Variants in SLC4A10 observed in about 807,000 individuals in gnomAD.
SLC4A10 encodes solute carrier family 4 member 10.
A neutral mutation model predicts 137.7 loss-of-function variants in SLC4A10; 42 were observed. That is an observed-to-expected ratio of 0.30 (90% confidence interval 0.24 to 0.39). The LOEUF is 0.39. Among genes scored for constraint, SLC4A10 ranks in the 10% least tolerant of loss-of-function variants. The probability of loss-of-function intolerance (pLI) is 1.00; values close to 1 mark genes in which losing one functional copy is unlikely to be tolerated. For synonymous variants in SLC4A10, 474 were observed against 464.1 expected, an observed-to-expected ratio of 1.02 and a Z score of -0.27; for missense variants, 925 against 1,355.0, an observed-to-expected ratio of 0.68 and a Z score of 4.98.
intron 1 of SLC4A10, among the ~76,000 whole-genome samples, chr2:161,625,370 TTTTCTGTCTGGAGCAGCTGCTG>T (rs1297531869): frequency 2.0e-5 from 3 of 152,026 alleles, no homozygotes; most frequent in Non-Finnish European, 4.4e-5. Flanking sequence ...GGCAACATCT[TTTTCTGTCTGGAGCAGCTGCTG>T]TTTCTGTGTT....
intron 1 of SLC4A10, among the ~76,000 whole-genome samples, chr2:161,764,595 G>A (rs1027720294): frequency 1.3e-4 from 20 of 152,094 alleles, no homozygotes; most frequent in African/African-American, 4.6e-4. Context: ...AACATATTTT[G>A]TTCAGACCAT....
intron 10 of SLC4A10, among the ~76,000 whole-genome samples, chr2:161,888,120 T>TGC (rs1328839189): frequency 6.6e-6 from 1 of 152,156 alleles, no homozygotes; most frequent in South Asian, 2.1e-4. Context: ...TGTAGATAAA[T>TGC]GGCATTATTT....
intron 1 of SLC4A10, among the ~76,000 whole-genome samples, chr2:161,729,790 A>G (rs920591053): frequency 6.6e-5 from 10 of 152,224 alleles, no homozygotes; most frequent in Non-Finnish European, 1.0e-4. Context: ...AGGAACTTCT[A>G]GTAGGAAGCT....
At chr2:161,744,376 GA>G (rs2048206820) in intron 1 of SLC4A10, among the ~76,000 whole-genome samples, 1 of 151,996 alleles carries the variant, frequency 6.6e-6, no homozygotes, top group African/African-American at 2.4e-5. Flanking sequence ...TTTCAGTATC[GA>G]TTGAAATGAT....
At position 161,983,832 on chromosome 2, in the gene SLC4A10, A is replaced by G. The variant is rs1700532344; in HGVS notation, c.*680A>G. The G allele has an allele frequency of 6.6e-6, 1 of 152,268 alleles. No individual in the cohort carries two copies. Among genetic ancestry groups the G allele is most frequent in the Admixed American group, 6.5e-5 (1 of 15,284 alleles). 9.4% of individuals were successfully genotyped at this position (152,268 alleles called of 1,614,324 possible). On this transcript the variant is annotated 3_prime_UTR_variant, in exon 27 of 27. Coordinates refer to ENST00000446997, the MANE Select transcript of SLC4A10 (RefSeq NM_001178015.2). ...TATAGAAACCTATTTACAACTTGTT[A>G]AGGACAATCAGACATAATGCAGAGT...
intron 10 of SLC4A10, among the ~76,000 whole-genome samples, chr2:161,889,385 G>T (rs2062672350): frequency 6.6e-6 from 1 of 152,168 alleles, no homozygotes; most frequent in African/African-American, 2.4e-5. Context: ...ACCTCTGGTA[G>T]AATTCGGCTA....
intron 1 of SLC4A10, among the ~76,000 whole-genome samples, chr2:161,671,772 T>C (rs1261001815): frequency 6.6e-6 from 1 of 152,236 alleles, no homozygotes; most frequent in Non-Finnish European, 1.5e-5. Context: ...GGGAAATTTA[T>C]AGCTTTTAAA....
At chr2:161,777,820 A>G (rs576177295) in intron 2 of SLC4A10, among the ~76,000 whole-genome samples, 11 of 152,130 alleles carry the variant, frequency 7.2e-5, no homozygotes, top group Admixed American at 7.2e-4. Context: ...CACAGAGCCA[A>G]ACCATATCAG....
intron 3 of SLC4A10, among the ~76,000 whole-genome samples, chr2:161,811,992 T>C (rs2056596210): frequency 6.6e-6 from 1 of 152,112 alleles, no homozygotes; most frequent in Admixed American, 6.6e-5. Flanking sequence ...GTTAACTGCA[T>C]ATAAATGTTC....
intron 3 of SLC4A10, among the ~76,000 whole-genome samples, chr2:161,809,464 G>A (rs572769774): frequency 1.9e-4 from 29 of 152,074 alleles, no homozygotes; most frequent in Non-Finnish European, 3.2e-4. Context: ...TTAATGTTGG[G>A]AAGGGTATTT....
chr2:161,883,565 C>A (rs766627304), intron 10 of SLC4A10, among the ~76,000 whole-genome samples: 2 of 152,118 alleles, frequency 1.3e-5, no homozygotes, highest in African/African-American at 4.8e-5. Flanking sequence ...GAAACTACTA[C>A]AAATTGGGTG....
In SLC4A10 at chr2:161,898,119, G is replaced by T. The variant is rs183054562; in HGVS notation, c.1342-2792G>T. 1.7e-3 allele frequency among the ~76,000 whole-genome samples: 266 copies of T among 152,170 alleles called. 1 individual carries two copies. The highest frequency in any genetic ancestry group is 7.2e-3 in the Admixed American group (110 of 15,266). On this transcript the variant is annotated intron_variant, in intron 11 of 26. Coordinates refer to ENST00000446997, the MANE Select transcript of SLC4A10 (RefSeq NM_001178015.2). ...GAGTTCTGCAATTATCTATATGTATGACCTTGAACAAATGTTTTAACCTCT... is the reference window on the plus strand; with the variant it reads ...GAGTTCTGCAATTATCTATATGTATTACCTTGAACAAATGTTTTAACCTCT...
intron 1 of SLC4A10, among the ~76,000 whole-genome samples, chr2:161,655,139 T>C (rs1044212969): frequency 1.3e-5 from 2 of 152,202 alleles, no homozygotes; most frequent in Non-Finnish European, 2.9e-5. Flanking sequence ...CATGCTATTG[T>C]CAATGTGATT....
intron 15 of SLC4A10, among the ~76,000 whole-genome samples, chr2:161,937,524 C>T (rs1691798171): frequency 6.6e-6 from 1 of 152,104 alleles, no homozygotes; most frequent in South Asian, 2.1e-4. Flanking sequence ...CCTTGAACAC[C>T]CAGACTCAAG....
At chr2:161,686,130 G>A (rs1192415019) in intron 1 of SLC4A10, among the ~76,000 whole-genome samples, 2 of 152,052 alleles carry the variant, frequency 1.3e-5, no homozygotes, top group Non-Finnish European at 2.9e-5. Context: ...AAAACCAAAT[G>A]ACAAATTTGG....
intron 13 of SLC4A10, 68 bp downstream of exon 13, chr2:161,904,246 G>C: frequency 6.8e-7 from 1 of 1,466,306 alleles, no homozygotes; most frequent in Non-Finnish European, 9.2e-7. Flanking sequence ...TTAGATAAGT[G>C]AGCATTTAAT....
chr2:161,647,706 T>C (rs548173645), intron 1 of SLC4A10, among the ~76,000 whole-genome samples: 1 of 152,232 alleles, frequency 6.6e-6, no homozygotes, highest in East Asian at 1.9e-4. Flanking sequence ...ATTATTAAAA[T>C]GTATAGTAAT....
At chr2:161,811,570 C>CTTTT (rs2056555193) in intron 3 of SLC4A10, among the ~76,000 whole-genome samples, 1 of 151,940 alleles carries the variant, frequency 6.6e-6, no homozygotes, top group African/African-American at 2.4e-5. Context: ...CATTGTGTAT[C>CTTTT]TTTTTTGACA....
intron 1 of SLC4A10, among the ~76,000 whole-genome samples, chr2:161,698,775 T>G (rs2042822422): frequency 6.6e-6 from 1 of 152,160 alleles, no homozygotes; most frequent in Non-Finnish European, 1.5e-5. Context: ...TCTCTTTTTT[T>G]GTTGTGTCTC....
Sources: gnomAD v4.1 joint callset for allele counts (sites outside exome capture counted in the v4.1 genomes callset) on GRCh38, gnomAD v4.1.1 for gene constraint, MANE v1.5 for transcripts, NCBI Gene and HGNC (gene_info 2026-07-23, HGNC 2026-07-21) for gene names.